SLC35F2: variants seen among roughly 807,000 people sequenced by gnomAD.
The protein encoded by SLC35F2 is queuine/queuosine transporter SLC35F2.
In SLC35F2, 25 loss-of-function variants were observed where a neutral mutation model predicts 38.1. The ratio of observed to expected loss-of-function variants is 0.66; its 90% CI spans 0.48 to 0.92. The LOEUF (loss-of-function observed/expected upper bound fraction) is 0.92, where lower values mean the gene tolerates loss of function less well. SLC35F2 is among the 40% of genes least tolerant of loss of function. The probability of loss-of-function intolerance (pLI) is 0.00; values close to 1 mark genes in which losing one functional copy is unlikely to be tolerated. For synonymous variants in SLC35F2, 173 were observed against 181.7 expected (o/e 0.95, Z 0.38); for missense variants, 409 against 452.9 (o/e 0.90, Z 0.88).
Position 107,857,225 on chromosome 11 carries a change from G to A in SLC35F2, c.110+1433C>T, listed in dbSNP as rs370371296. Among the ~76,000 whole-genome samples, 99 of 146,426 alleles carry A rather than the reference G, an allele frequency of 6.8e-4. 1 individual carries two copies. The highest frequency in any genetic ancestry group is 2.4e-3 in the African/African-American group (92 of 38,510). On this transcript the variant is annotated intron_variant, in intron 1 of 7. Coordinates refer to ENST00000525815, the MANE Select transcript of SLC35F2 (RefSeq NM_017515.5). ...GACGGAAGGAAGGAACAAAGAAGGA[G>A]GGAGGGAGGGAGGGAGGGAACTGGA...
At chr11:107,801,343 G>T (rs1449381057) in intron 7 of SLC35F2, among the ~76,000 whole-genome samples, 2 of 152,160 alleles carry the variant, frequency 1.3e-5, no homozygotes, top group African/African-American at 4.8e-5. Context: ...GCAGATGTGA[G>T]AATCCAGGTG....
At chr11:107,846,214 G>GAA (rs34130706) in intron 1 of SLC35F2, among the ~76,000 whole-genome samples, 25 of 144,404 alleles carry the variant, frequency 1.7e-4, no homozygotes, top group African/African-American at 5.4e-4. Flanking sequence ...ATTGGTAACA[G>GAA]AAAAAAAAAA....
At chr11:107,798,132 T>C (rs1428979496) in intron 7 of SLC35F2, among the ~76,000 whole-genome samples, 1 of 152,112 alleles carries the variant, frequency 6.6e-6, no homozygotes, top group Non-Finnish European at 1.5e-5. Flanking sequence ...GCCTCCCAAG[T>C]AACTGGGATT....
At chr11:107,849,822 A>C (rs1860150173) in intron 1 of SLC35F2, among the ~76,000 whole-genome samples, 1 of 152,148 alleles carries the variant, frequency 6.6e-6, no homozygotes, top group African/African-American at 2.4e-5. Context: ...GGGAAGAAGG[A>C]GACTACAGCC....
intron 1 of SLC35F2, among the ~76,000 whole-genome samples, chr11:107,832,530 T>C (rs184951831): frequency 1.9e-3 from 285 of 152,314 alleles, no homozygotes; most frequent in African/African-American, 6.6e-3. Flanking sequence ...CAGCCAAGTG[T>C]GGTGGCTCAT....
At chr11:107,821,433 T>G (rs1591195997) in intron 1 of SLC35F2, 3 of 984,748 alleles carry the variant, frequency 3.0e-6, no homozygotes, top group East Asian at 2.3e-4. Flanking sequence ...AATAGAGGAG[T>G]AGGAGAGCAA....
intron 1 of SLC35F2, among the ~76,000 whole-genome samples, chr11:107,827,590 A>C (rs532391011): frequency 2.6e-5 from 4 of 152,254 alleles, no homozygotes; most frequent in Non-Finnish European, 4.4e-5. Context: ...CTCTACTAAA[A>C]ATACAAAAAT....
rs774922258 is a variant in SLC35F2, at chr11:107,858,736, G to A, written c.32C>T (p.Ala11Val). 3 of 1,285,508 alleles carry A rather than the reference G, an allele frequency of 2.3e-6. No homozygotes were observed. Among genetic ancestry groups the A allele is most frequent in the Non-Finnish European group, 3.0e-6 (3 of 1,008,506 alleles). 79.6% of individuals were successfully genotyped at this position (1,285,508 alleles called of 1,614,324 possible). MEADSPAGPG[A>V]PEPLAEGAAA... ...CGCTCCCTCCGCGAGGGGCTCTGGG[G>A]CGCCGGGGCCCGCTGGCGAGTCTGC... The change falls in exon 1 of 8, where the codon GCC becomes GTC. Residue 11 changes from alanine to valine, a missense_variant. Physicochemically the swap from Ala to Val is moderately conservative, Grantham distance 64. Transcript: ENST00000525815.
At chr11:107,811,888 G>GC (rs1555083461) in intron 2 of SLC35F2, 94 bp from the exon 3 acceptor site, 2 of 1,177,340 alleles carry the variant, frequency 1.7e-6, no homozygotes, top group Non-Finnish European at 2.4e-6. Flanking sequence ...AGAGTTTCTT[G>GC]TTTTTTTTTC....
chr11:107,815,811 C>G lies in SLC35F2; in HGVS notation c.265G>C (p.Val89Leu), dbSNP rs375518793. 6.2e-7 allele frequency: 1 copy of G among 1,612,008 alleles called. No individual in the cohort carries two copies. The highest frequency in any genetic ancestry group is 8.5e-7 in the Non-Finnish European group (1 of 1,179,326). Reference protein sequence around the residue: ...NYCLLFLIYTVMLAFRSGSDN... With the variant: ...NYCLLFLIYTLMLAFRSGSDN... ...ATACCTGATCGAAATGCCAGCATCACTGTATAAATTAGGAACAGCAAGCAA... is the reference window on the plus strand; with the variant it reads ...ATACCTGATCGAAATGCCAGCATCAGTGTATAAATTAGGAACAGCAAGCAA... Residue 89 changes from valine (V) to leucine (L), a missense_variant, in exon 2 of 8, where the codon GTG becomes CTG. Physicochemically the swap from Val to Leu is conservative, Grantham distance 32. Transcript: ENST00000525815.
At chr11:107,854,126 T>C (rs1276165167) in intron 1 of SLC35F2, among the ~76,000 whole-genome samples, 1 of 152,174 alleles carries the variant, frequency 6.6e-6, no homozygotes, top group Non-Finnish European at 1.5e-5. Context: ...GTAAACTGTC[T>C]GACAGTATAC....
chr11:107,858,666 G>C lies in SLC35F2; in HGVS notation c.102C>G (p.Leu34=). 1.5e-6 allele frequency: 2 copies of C among 1,300,286 alleles called. No homozygotes were observed. Among genetic ancestry groups the C allele is most frequent in the Admixed American group, 6.5e-5 (2 of 30,932 alleles). 80.5% of individuals were successfully genotyped at this position (1,300,286 alleles called of 1,614,324 possible). ...SSLLRRIKGK[L]FTWNILKTIA... The stretch of plus-strand genomic sequence containing the variant: ...ACGCCCCTTCCACTCACCAGGTGAA[G>C]AGTTTGCCTTTTATCCTGCGCAGCA... The change falls in exon 1 of 8, where the codon CTC becomes CTG. Residue 34 remains leucine, a synonymous_variant. Coordinates refer to ENST00000525815, the MANE Select transcript of SLC35F2 (RefSeq NM_017515.5).
intron 1 of SLC35F2, among the ~76,000 whole-genome samples, chr11:107,855,814 G>T (rs1037066734): frequency 2.2e-3 from 6 of 2,684 alleles, no homozygotes; most frequent in Non-Finnish European, 4.0e-3. Flanking sequence ...AACATTAGGA[G>T]AGAAAAAAAA....
At position 107,818,056 on chromosome 11, in the gene SLC35F2, CAAAAAAAAAA is replaced by C. The variant is rs57787130; in HGVS notation, c.111-2101_111-2092del. Among the ~76,000 whole-genome samples the C allele has an allele frequency of 3.8e-4, 25 of 66,150 alleles. 1 individual carries two copies. The highest frequency in any genetic ancestry group is 3.3e-3 in the Admixed American group (14 of 4,254). The allele number at this position is 66,150 out of a possible 152,430, so 43.4% of individuals were successfully genotyped here. A position where few individuals can be genotyped will look rare whatever the true frequency, so the allele number is the denominator to read the frequency against. ...TGAGTGACAGAGCAAGACTCTGTCT[CAAAAAAAAAA>C]AAAAAAAAAGAAAGAAAGAAAGAAA... On this transcript the variant is annotated intron_variant, in intron 1 of 7. Transcript: ENST00000525815.
intron 1 of SLC35F2, chr11:107,823,038 C>T: frequency 4.2e-6 from 2 of 474,608 alleles, no homozygotes; most frequent in Non-Finnish European, 5.5e-6. Flanking sequence ...ATTTCTTTAG[C>T]TCTTCTTTAT....
chr11:107,829,451 C>T (rs1189542029), intron 1 of SLC35F2, among the ~76,000 whole-genome samples: 2 of 151,790 alleles, frequency 1.3e-5, no homozygotes, highest in Non-Finnish European at 2.9e-5. Context: ...ACTCCCAGTG[C>T]ACCCTTCTCG....
intron 7 of SLC35F2, among the ~76,000 whole-genome samples, chr11:107,794,205 C>A (rs1336555714): frequency 6.6e-6 from 1 of 151,814 alleles, no homozygotes; most frequent in African/African-American, 2.4e-5. Context: ...CTCAGCCTCC[C>A]GAGTAGCTGG....
chr11:107,809,895 G>A (rs935482304), intron 3 of SLC35F2: 2 of 985,400 alleles, frequency 2.0e-6, no homozygotes, highest in Middle Eastern at 5.2e-4. Context: ...GCAGCACAGG[G>A]GAGAAGGAGC....
At position 107,830,455 on chromosome 11, in the gene SLC35F2, A is replaced by G. The variant is rs563786759; in HGVS notation, c.111-14490T>C. On this transcript the variant is annotated intron_variant, in intron 1 of 7. Transcript: ENST00000525815. Reference sequence around the variant, plus strand: ...AAAAATTAGCTGGGCATGGTGGTGGATGCCTGTAGTCCCAGCTACTCAGGA... The same window carrying G: ...AAAAATTAGCTGGGCATGGTGGTGGGTGCCTGTAGTCCCAGCTACTCAGGA... Among the ~76,000 whole-genome samples, 344 of 151,754 alleles carry G rather than the reference A, an allele frequency of 2.3e-3. 1 individual carries two copies. The highest frequency in any genetic ancestry group is 7.8e-3 in the African/African-American group (322 of 41,400).
Sources: gnomAD v4.1 joint callset for allele counts (sites outside exome capture counted in the v4.1 genomes callset) on GRCh38, gnomAD v4.1.1 for gene constraint, MANE v1.5 for transcripts, NCBI Gene and HGNC (gene_info 2026-07-23, HGNC 2026-07-21) for gene names.